The following TNPO2 variants were observed in gnomAD, a reference collection of about 807,000 sequenced individuals.
TNPO2 encodes the protein transportin-2.
TNPO2 carries 16 observed loss-of-function variants against 111.1 expected under a neutral mutation model. The observed-to-expected ratio is 0.14, with a 90% CI of 0.10 to 0.22. The LOEUF is 0.22. Among genes scored for constraint, TNPO2 ranks in the 10% least tolerant of loss-of-function variants. TNPO2 has a pLI of 1.00. For synonymous variants in TNPO2, 481 were observed against 475.8 expected, an observed-to-expected ratio of 1.01 and a Z score of -0.14; for missense variants, 530 against 1,173.7, an observed-to-expected ratio of 0.45 and a Z score of 8.01.
Position 12,703,541 on chromosome 19 carries a change from CA to C in TNPO2, c.2111-16del. On this transcript the variant is annotated splice_polypyrimidine_tract_variant and intron_variant, in intron 19 of 25. Coordinates refer to ENST00000425528, the MANE Select transcript of TNPO2 (RefSeq NM_001382241.1). ...CATGAACTCGGCTGGTGGGGAGAAA[CA>C]GGGGTGCTGAGAAGGAGGGCCAGCC... is the stretch of plus-strand genomic sequence containing the variant. The C allele has an allele frequency of 6.2e-7, 1 of 1,613,646 alleles. No individual in the cohort carries two copies. Among genetic ancestry groups the C allele is most frequent in the East Asian group, 2.2e-5 (1 of 44,878 alleles).
Position 12,710,753 on chromosome 19 carries a change from G to A in TNPO2, c.1138C>T (p.Leu380=). Residue 380 remains leucine (L), a synonymous_variant, in exon 13 of 26, where the codon CTG becomes TTG. Transcript: ENST00000425528. ...CGGAAGACATTGGCGAGGACGTCCA[G>A]TGCAGCCGCTGAGCACTTCCCTGGG... ...WNLRKCSAAA[L]DVLANVFREE... is the part of the protein sequence containing the mutation. 6.2e-7 allele frequency: 1 copy of A among 1,612,092 alleles called. No homozygotes were observed. The highest frequency in any genetic ancestry group is 8.5e-7 in the Non-Finnish European group (1 of 1,179,088).
At chr19:12,713,295 A>T (rs1165998086) in intron 10 of TNPO2, among the ~76,000 whole-genome samples, 1 of 152,018 alleles carries the variant, frequency 6.6e-6, no homozygotes, top group Non-Finnish European at 1.5e-5. Flanking sequence ...TCACCTGCTC[A>T]TCTAGGTCTC....
chr19:12,720,957 C>G lies in TNPO2; in HGVS notation c.21G>C (p.Glu7Asp), dbSNP rs1260118374. 6.3e-7 allele frequency: 1 copy of G among 1,592,310 alleles called. No individual in the cohort carries two copies. Among genetic ancestry groups the G allele is most frequent in the Non-Finnish European group, 8.5e-7 (1 of 1,171,622 alleles). Reference sequence around the variant, plus strand: ...GCTGCAGGACCTGCTGCAGGCCCTGCTCGTCTGGCTGCCAGTCCATGGCGC... The same window carrying G: ...GCTGCAGGACCTGCTGCAGGCCCTGGTCGTCTGGCTGCCAGTCCATGGCGC... MDWQPD[E>D]QGLQQVLQLL... Residue 7 changes from glutamate to aspartate, a missense_variant, in exon 3 of 26, where the codon GAG becomes GAC. By Grantham distance (45) the Glu-to-Asp change is conservative (BLOSUM62 2). Coordinates refer to ENST00000425528, the MANE Select transcript of TNPO2 (RefSeq NM_001382241.1).
In TNPO2 at chr19:12,715,037, CCAT is replaced by C. The variant is rs199688739; in HGVS notation, c.771+7_771+9del. The C allele has an allele frequency of 0.013, 20,663 of 1,570,340 alleles. 322 individuals carry two copies. The highest frequency in any genetic ancestry group is 0.055 in the South Asian group (4,629 of 84,152). On this transcript the variant is annotated splice_region_variant and intron_variant, in intron 9 of 25. Coordinates refer to ENST00000425528, the MANE Select transcript of TNPO2 (RefSeq NM_001382241.1). The surrounding 1 kb of genome is among the most constrained non-coding windows in gnomAD (Gnocchi z 7.1). ...GCCTGCCCGCCTGGGCTGGCCTTGA[CCAT>C]GCACACCTGGATGATGCTGTGCATG...
chr19:12,703,284 C>A, intron 20 of TNPO2, 144 bp downstream of exon 20: 1 of 694,934 alleles, frequency 1.4e-6, no homozygotes, highest in East Asian at 2.6e-5. Flanking sequence ...AAGCCAATCA[C>A]AAATGACCTT....
chr19:12,703,647 G>C, intron 19 of TNPO2, 67 bp downstream of exon 19: 1 of 1,582,128 alleles, frequency 6.3e-7, no homozygotes, highest in South Asian at 1.1e-5. Context: ...GTCATCCCCG[G>C]GTATTGCTCT....
At chr19:12,707,259 A>C (rs1266118957) in intron 13 of TNPO2, among the ~76,000 whole-genome samples, 2 of 152,106 alleles carry the variant, frequency 1.3e-5, no homozygotes, top group Non-Finnish European at 2.9e-5. Context: ...GGCCTCCCAA[A>C]GTGCTGGGAT....
intron 20 of TNPO2, chr19:12,703,188 GTCACCCAACCAATCCGAATGAGTCTT>G (rs1285204620): frequency 3.4e-6 from 2 of 585,540 alleles, no homozygotes; most frequent in Non-Finnish European, 6.0e-6. Flanking sequence ...AAAAGCCAAA[GTCACCCAACCAATCCGAATGAGTCTT>G]TTAGCCAACT....
rs1026268919 is a variant in TNPO2 at position 12,723,303 on chromosome 19, G to A, written c.-68C>T. ...GAAATTCTGGCAAGGGCAGGGTCAT[G>A]AAGAAAGAAATCTTCTTGATCCTTG... is the stretch of plus-strand genomic sequence containing the variant. On this transcript the variant is annotated 5_prime_UTR_variant, in exon 2 of 26. Transcript: ENST00000425528. The A allele has an allele frequency of 6.6e-6, 1 of 152,222 alleles. No individual in the cohort carries two copies. The allele number at this position is 152,222 out of a possible 1,614,324, so 9.4% of individuals were successfully genotyped here.
Position 12,720,277 on chromosome 19 carries a change from C to T in TNPO2, c.99+602G>A, listed in dbSNP as rs372073744. On this transcript the variant is annotated intron_variant, in intron 3 of 25. Coordinates refer to ENST00000425528, the MANE Select transcript of TNPO2 (RefSeq NM_001382241.1). Reference sequence around the variant, plus strand: ...CAGGTGATCCGTCCGCCTCGGCCTCCCAAAGTGCTGGGATTGCAGGCGTGA... The same window carrying T: ...CAGGTGATCCGTCCGCCTCGGCCTCTCAAAGTGCTGGGATTGCAGGCGTGA... 1.1e-4 allele frequency among the ~76,000 whole-genome samples: 16 copies of T among 152,182 alleles called. No homozygotes were observed. The East Asian group carries it at 2.3e-3, about 22-fold the overall frequency.
At chr19:12,710,485 A>G (rs1426749840) in intron 13 of TNPO2, 136 bp downstream of exon 13, 1 of 1,024,902 alleles carries the variant, frequency 9.8e-7, no homozygotes, top group East Asian at 2.9e-5. Context: ...AACCAAGGGG[A>G]GAATTGAGAT....
chr19:12,719,106 G>A lies in TNPO2; in HGVS notation c.248C>T (p.Pro83Leu). 6.2e-7 allele frequency: 1 copy of A among 1,614,018 alleles called. No homozygotes were observed. The highest frequency in any genetic ancestry group is 8.5e-7 in the Non-Finnish European group (1 of 1,179,898). Residue 83 changes from proline to leucine, a missense_variant, in exon 5 of 26, where the codon CCC (proline) becomes CTC (leucine). Physicochemically the swap from Pro to Leu is moderately conservative, Grantham distance 98. Coordinates refer to ENST00000425528, the MANE Select transcript of TNPO2 (RefSeq NM_001382241.1). The surrounding 1 kb of genome is among the most constrained non-coding windows in gnomAD (Gnocchi z 5.0). Reference sequence around the variant, plus strand: ...CTGTTTGATGAAGTCTGCCACAGGGGGTGGGAAGCTCTGATAGTGTGCCTT... The same window carrying A: ...CTGTTTGATGAAGTCTGCCACAGGGAGTGGGAAGCTCTGATAGTGTGCCTT... ...NVKAHYQSFP[P>L]PVADFIKQEC...
In TNPO2 at chr19:12,721,253, T is replaced by C. The variant is rs2145628262; in HGVS notation, c.-13-263A>G. 1.5e-6 allele frequency: 2 copies of C among 1,302,250 alleles called. No homozygotes were observed. The highest frequency in any genetic ancestry group is 2.0e-6 in the Non-Finnish European group (2 of 1,021,704). The allele number at this position is 1,302,250 out of a possible 1,614,324, so 80.7% of individuals were successfully genotyped here. A position where few individuals can be genotyped will look rare whatever the true frequency, so the allele number is the denominator to read the frequency against. ...GGCGGCGGGGCCCGGCGGATCCTCA[T>C]GGGACCCAGCGAAGAGCCCTCGTCC... On this transcript the variant is annotated intron_variant, in intron 2 of 25. Transcript: ENST00000425528. The surrounding 1 kb of genome is among the most constrained non-coding windows in gnomAD (Gnocchi z 4.9).
Position 12,714,949 on chromosome 19 carries a change from G to C in TNPO2, c.772-10C>G, listed in dbSNP as rs150488608. On this transcript the variant is annotated splice_polypyrimidine_tract_variant and intron_variant, in intron 9 of 25. Coordinates refer to ENST00000425528, the MANE Select transcript of TNPO2 (RefSeq NM_001382241.1). Reference sequence around the variant, plus strand: ...TCCTCTGCAGCATGTACTGTGGTAGGGGGGAGAAGCTGAGGCCTGGCCTGG... The same window carrying C: ...TCCTCTGCAGCATGTACTGTGGTAGCGGGGAGAAGCTGAGGCCTGGCCTGG... The C allele has an allele frequency of 3.2e-5, 52 of 1,606,800 alleles. 1 individual carries two copies. The highest frequency in any genetic ancestry group is 2.0e-4 in the East Asian group (9 of 44,824).
chr19:12,701,567 G>T lies in TNPO2; in HGVS notation c.2586+31C>A, dbSNP rs746228335. 1 of 1,612,458 alleles carries T rather than the reference G, an allele frequency of 6.2e-7. No homozygotes were observed. Among genetic ancestry groups the T allele is most frequent in the Non-Finnish European group, 8.5e-7 (1 of 1,178,662 alleles). ...ATGGTCTCACCCCTGCCTGCTCCCG[G>T]AACTAGATCAGGGCCCAGACAGAGC... On this transcript the variant is annotated intron_variant, in intron 24 of 25. Transcript: ENST00000425528. The surrounding 1 kb of genome is among the most constrained non-coding windows in gnomAD (Gnocchi z 5.0).
In TNPO2 at chr19:12,723,758, T is replaced by G. The variant is rs922322226; in HGVS notation, c.-131+11A>C. On this transcript the variant is annotated intron_variant, in intron 1 of 25. Coordinates refer to ENST00000425528, the MANE Select transcript of TNPO2 (RefSeq NM_001382241.1). The stretch of plus-strand genomic sequence containing the variant: ...CCTGCCTGAAGGAGGGGAACAGCTA[T>G]CTCAACCCACTTGCCGTAGGCAAAG... 8 of 152,256 alleles carry G rather than the reference T, an allele frequency of 5.3e-5. No individual in the cohort carries two copies. Among genetic ancestry groups the G allele is most frequent in the Non-Finnish European group, 7.3e-5 (5 of 68,032 alleles). 9.4% of individuals were successfully genotyped at this position (152,256 alleles called of 1,614,324 possible).
intron 12 of TNPO2, among the ~76,000 whole-genome samples, 166 bp from the exon 13 acceptor site, chr19:12,710,939 G>C (rs1389852340): frequency 6.6e-6 from 1 of 152,010 alleles, no homozygotes; most frequent in Non-Finnish European, 1.5e-5. Context: ...TTTCCGCCCA[G>C]GCCGGAGTGC....
chr19:12,702,814 G>C lies in TNPO2; in HGVS notation c.2305+9C>G, dbSNP rs199571696. 6.8e-4 allele frequency: 1,092 copies of C among 1,613,442 alleles called. 1 individual carries two copies. The highest frequency in any genetic ancestry group is 9.0e-4 in the Non-Finnish European group (1,064 of 1,179,430). The stretch of plus-strand genomic sequence containing the variant: ...AGGGGTGCAGGCAGCAGCCGGGCCA[G>C]GTGCCCACCTGTGTTTTCCAGCAGT... On this transcript the variant is annotated intron_variant, in intron 21 of 25. Transcript: ENST00000425528. This position sits in a 1 kb window ranked among gnomAD's most constrained non-coding sequence, Gnocchi z 5.5.
chr19:12,705,424 C>G lies in TNPO2; in HGVS notation c.1864-26G>C. ...CTAGACACAGATGCCGACAGGGGCACGGGTAAGTGGAGCAGGCCCGAGGCA... is the reference window on the plus strand; with the variant it reads ...CTAGACACAGATGCCGACAGGGGCAGGGGTAAGTGGAGCAGGCCCGAGGCA... On this transcript the variant is annotated intron_variant, in intron 17 of 25. Coordinates refer to ENST00000425528, the MANE Select transcript of TNPO2 (RefSeq NM_001382241.1). The surrounding 1 kb of genome is among the most constrained non-coding windows in gnomAD (Gnocchi z 7.2). 1 of 1,577,512 alleles carries G rather than the reference C, an allele frequency of 6.3e-7. No individual in the cohort carries two copies. The highest frequency in any genetic ancestry group is 8.6e-7 in the Non-Finnish European group (1 of 1,161,714).
Sources: allele counts gnomAD v4.1 joint callset (sites outside exome capture counted in the v4.1 genomes callset), GRCh38; gene constraint gnomAD v4.1.1; non-coding constraint Gnocchi (gnomAD v3.1); transcripts MANE v1.5; gene names NCBI Gene and HGNC (gene_info 2026-07-23, HGNC 2026-07-21).